The following RBFOX3 variants were observed in gnomAD, a reference collection of about 807,000 sequenced individuals.
The protein encoded by RBFOX3 is RNA binding protein fox-1 homolog 3.
In RBFOX3, 17 loss-of-function variants were observed where a neutral mutation model predicts 48.7. The observed-to-expected ratio is 0.35, with a 90% CI of 0.24 to 0.52. The LOEUF is 0.52. RBFOX3 is among the 20% of genes least tolerant of loss of function. The pLI, the probability that RBFOX3 is intolerant of heterozygous loss-of-function variation, is 0.94. For missense variants in RBFOX3, 382 were observed against 497.5 expected, an observed-to-expected ratio of 0.77 and a Z score of 2.21; for synonymous variants, 212 against 209.5, an observed-to-expected ratio of 1.01 and a Z score of -0.10.
intron 4 of RBFOX3, among the ~76,000 whole-genome samples, chr17:79,131,940 G>C (rs765515463): frequency 6.6e-6 from 1 of 152,296 alleles, no homozygotes; most frequent in East Asian, 1.9e-4. Flanking sequence ...CGATTAAGCG[G>C]TAATTCTCTC....
At chr17:79,161,877 G>A (rs1427207817) in intron 4 of RBFOX3, among the ~76,000 whole-genome samples, 1 of 152,190 alleles carries the variant, frequency 6.6e-6, no homozygotes, top group South Asian at 2.1e-4. Context: ...ACAGGTATGA[G>A]CCACCGTGCC....
At chr17:79,181,174 G>C (rs1237863913) in intron 4 of RBFOX3, among the ~76,000 whole-genome samples, 1 of 152,220 alleles carries the variant, frequency 6.6e-6, no homozygotes, top group Non-Finnish European at 1.5e-5. Context: ...CTGAGGTTCA[G>C]AGTGGTGATA....
intron 1 of RBFOX3, among the ~76,000 whole-genome samples, chr17:79,586,813 C>T (rs1047387700): frequency 1.3e-5 from 2 of 152,280 alleles, no homozygotes; most frequent in South Asian, 2.1e-4. Context: ...TCAAATGCTA[C>T]GTTTTCCTCT....
intron 2 of RBFOX3, among the ~76,000 whole-genome samples, chr17:79,406,991 C>T (rs1341684362): frequency 6.6e-6 from 1 of 152,262 alleles, no homozygotes; most frequent in East Asian, 1.9e-4. Context: ...TGCTTACCAA[C>T]GTCCGTGCAT....
At chr17:79,197,119 G>A (rs1357146467) in intron 4 of RBFOX3, among the ~76,000 whole-genome samples, 5 of 150,688 alleles carry the variant, frequency 3.3e-5, no homozygotes, top group Admixed American at 2.0e-4. Flanking sequence ...GCACGCGTGG[G>A]TAAAATGGAA....
At chr17:79,096,620 T>TGCCCCC in intron 12 of RBFOX3, 33 bp downstream of exon 12, 1 of 1,502,346 alleles carries the variant, frequency 6.7e-7, no homozygotes, top group Non-Finnish European at 9.1e-7. Flanking sequence ...GAACGCCTGA[T>TGCCCCC]CCCACCCTCC....
At chr17:79,474,376 G>T (rs1598851837) in intron 2 of RBFOX3, among the ~76,000 whole-genome samples, 1 of 152,200 alleles carries the variant, frequency 6.6e-6, no homozygotes, top group Non-Finnish European at 1.5e-5. Context: ...GTGTGACAGG[G>T]TCTGTTTGGA....
rs56913064 is a variant in RBFOX3, at chr17:79,185,931, C to T, written c.-34+49835G>A. ...TAGTGGGGGAAACCAAGCTTGTAAA[C>T]GAAGACTGCAGCCTAATGTACTGAG... On this transcript the variant is annotated intron_variant, in intron 4 of 14. Coordinates refer to ENST00000693108, the MANE Select transcript of RBFOX3 (RefSeq NM_001350451.2). Among the ~76,000 whole-genome samples, 1,033 of 152,342 alleles carry T rather than the reference C, an allele frequency of 6.8e-3. 9 individuals are homozygous for T. The highest frequency in any genetic ancestry group is 0.024 in the African/African-American group (992 of 41,566).
chr17:79,360,935 T>C (rs1457449921), intron 2 of RBFOX3, among the ~76,000 whole-genome samples: 1 of 151,920 alleles, frequency 6.6e-6, no homozygotes, highest in Non-Finnish European at 1.5e-5. Context: ...GTAAACCAAT[T>C]TGTGTTTTGT....
At chr17:79,092,183 T>G in intron 14 of RBFOX3, 1 of 985,508 alleles carries the variant, frequency 1.0e-6, no homozygotes, top group African/African-American at 1.7e-5. Context: ...TTTCTGTTGT[T>G]CTGTGCAGCC....
At chr17:79,104,600 A>T (rs1164183100) in intron 6 of RBFOX3, among the ~76,000 whole-genome samples, 1 of 152,180 alleles carries the variant, frequency 6.6e-6, no homozygotes, top group Non-Finnish European at 1.5e-5. Context: ...ATTCACACTA[A>T]AGGGTAAAGG....
chr17:79,333,715 T>G lies in RBFOX3; in HGVS notation c.-174-25891A>C, dbSNP rs148157502. On this transcript the variant is annotated intron_variant, in intron 2 of 14. Transcript: ENST00000693108. ...CTTCTTCCCAAAGACACACCCACAGTCAGCCCCTGGATGGGAGTTCAGCAA... is the reference window on the plus strand; with the variant it reads ...CTTCTTCCCAAAGACACACCCACAGGCAGCCCCTGGATGGGAGTTCAGCAA... Among the ~76,000 whole-genome samples, 832 of 152,202 alleles carry G rather than the reference T, an allele frequency of 5.5e-3. 31 individuals are homozygous for G. Among genetic ancestry groups the G allele is most frequent in the Admixed American group, 0.047 (717 of 15,292 alleles).
chr17:79,101,850 C>A (rs2076504824), intron 8 of RBFOX3, among the ~76,000 whole-genome samples: 1 of 152,200 alleles, frequency 6.6e-6, no homozygotes, highest in African/African-American at 2.4e-5. Flanking sequence ...GGACCCCAGA[C>A]CCAGGCCTGC....
intron 1 of RBFOX3, among the ~76,000 whole-genome samples, chr17:79,502,148 G>A (rs1598962305): frequency 6.6e-6 from 1 of 152,146 alleles, no homozygotes; most frequent in Non-Finnish European, 1.5e-5. Context: ...CTATTTACAG[G>A]GTCTGGAGAG....
At chr17:79,280,847 G>C (rs538557016) in intron 3 of RBFOX3, among the ~76,000 whole-genome samples, 119 of 147,504 alleles carry the variant, frequency 8.1e-4, no homozygotes, top group African/African-American at 1.7e-3. Flanking sequence ...ATTGTGGGGG[G>C]GGGGAGGGGA....
In RBFOX3 at chr17:79,242,491, T is replaced by C. The variant is rs943784671; in HGVS notation, c.-73-6686A>G. Among the ~76,000 whole-genome samples, 1 of 151,958 alleles carries C rather than the reference T, an allele frequency of 6.6e-6. No individual in the cohort carries two copies. The highest frequency in any genetic ancestry group is 1.5e-5 in the Non-Finnish European group (1 of 68,014). ...GAGCAGGAGAGCCACATCTATTTAA[T>C]GTGATGTTTTCCTCCTTCTTCTGAA... On this transcript the variant is annotated intron_variant, in intron 3 of 14. Transcript: ENST00000693108. This position sits in a 1 kb window ranked among gnomAD's most constrained non-coding sequence, Gnocchi z 5.8.
chr17:79,282,470 T>C (rs117544866), intron 3 of RBFOX3, among the ~76,000 whole-genome samples: 7 of 152,214 alleles, frequency 4.6e-5, no homozygotes, highest in Non-Finnish European at 8.8e-5. Flanking sequence ...CAGCAGCTTG[T>C]ACCCAGCCTG....
chr17:79,332,049 G>A (rs2146358429), intron 2 of RBFOX3, among the ~76,000 whole-genome samples: 1 of 152,284 alleles, frequency 6.6e-6, no homozygotes. Flanking sequence ...GGGGCTCCAG[G>A]AGCAGACCCA....
chr17:79,352,888 C>G (rs2084239009), intron 2 of RBFOX3, among the ~76,000 whole-genome samples: 1 of 152,232 alleles, frequency 6.6e-6, no homozygotes, highest in Non-Finnish European at 1.5e-5. Context: ...GGGGCCACAT[C>G]AGTTCTACTC....
Sources: allele counts gnomAD v4.1 joint callset (sites outside exome capture counted in the v4.1 genomes callset), GRCh38; gene constraint gnomAD v4.1.1; non-coding constraint Gnocchi (gnomAD v3.1); transcripts MANE v1.5; gene names NCBI Gene and HGNC (gene_info 2026-07-23, HGNC 2026-07-21).